CCNI: variants seen among roughly 807,000 people sequenced by gnomAD.
CCNI encodes cyclin-I.
A neutral mutation model predicts 34.1 loss-of-function variants in CCNI; 14 were observed. That is an observed-to-expected ratio of 0.41 (90% confidence interval 0.27 to 0.64). The LOEUF is 0.64. CCNI is among the 30% of genes least tolerant of loss of function. The probability of loss-of-function intolerance (pLI) is 0.31; values close to 1 mark genes in which losing one functional copy is unlikely to be tolerated. For synonymous variants in CCNI, 154 were observed against 158.4 expected (o/e 0.97, Z 0.21); for missense variants, 385 against 440.5 (o/e 0.87, Z 1.13).
chr4:77,063,156 T>C (rs1444129060), intron 2 of CCNI, among the ~76,000 whole-genome samples: 1 of 151,946 alleles, frequency 6.6e-6, no homozygotes, highest in East Asian at 1.9e-4. Context: ...AATTTGGGGA[T>C]AGGGGATGCA....
At chr4:77,067,254 A>AG (rs1729101353) in intron 1 of CCNI, among the ~76,000 whole-genome samples, 1 of 152,152 alleles carries the variant, frequency 6.6e-6, no homozygotes, top group Non-Finnish European at 1.5e-5. Context: ...ACCAAAAAAA[A>AG]AAAATGTATT....
rs12331423 is a variant in CCNI, at chr4:77,072,480, T to A, written c.-44+2992A>T. Among the ~76,000 whole-genome samples the A allele has an allele frequency of 6.4e-3, 836 of 129,692 alleles. 6 individuals are homozygous for A. The highest frequency in any genetic ancestry group is 9.9e-3 in the Non-Finnish European group (613 of 61,748). 85.1% of individuals were successfully genotyped at this position (129,692 alleles called of 152,430 possible). ...AAAAAAAAAAAAAAAAAAAAAAATT[T>A]AAACTAGCCAGGCATGATGTCACAC... On this transcript the variant is annotated intron_variant, in intron 1 of 6. Transcript: ENST00000237654.
At chr4:77,051,946 GTT>G (rs1193118771) in intron 6 of CCNI, among the ~76,000 whole-genome samples, 2 of 144,464 alleles carry the variant, frequency 1.4e-5, no homozygotes, top group Non-Finnish European at 3.0e-5. Flanking sequence ...GGAGGGGTCT[GTT>G]TTTTTGTTTT....
chr4:77,055,839 C>T lies in CCNI; in HGVS notation c.459+123G>A, dbSNP rs759853154. ...CATATATACTAATTTATAATTTTTC[C>T]TTGGATATCAAGTTTTCTTTTTCCT... On this transcript the variant is annotated intron_variant, in intron 5 of 6. Transcript: ENST00000237654. The T allele has an allele frequency of 1.5e-4, 113 of 772,070 alleles. 2 individuals are homozygous for T. Among genetic ancestry groups the T allele is most frequent in the Non-Finnish European group, 3.3e-5 (16 of 483,706 alleles). 47.8% of individuals were successfully genotyped at this position (772,070 alleles called of 1,614,324 possible).
At chr4:77,050,652 T>C (rs977480763) in intron 6 of CCNI, among the ~76,000 whole-genome samples, 1 of 152,150 alleles carries the variant, frequency 6.6e-6, no homozygotes, top group Non-Finnish European at 1.5e-5. Context: ...GTATTAGAAT[T>C]TGTTCTCCCT....
At chr4:77,071,914 C>G (rs1347068217) in intron 1 of CCNI, among the ~76,000 whole-genome samples, 1 of 152,028 alleles carries the variant, frequency 6.6e-6, no homozygotes, top group Non-Finnish European at 1.5e-5. Context: ...AAAGCACTGC[C>G]AAAGAAAAAT....
chr4:77,073,609 G>A (rs1578261136), intron 1 of CCNI, among the ~76,000 whole-genome samples: 1 of 152,186 alleles, frequency 6.6e-6, no homozygotes, highest in South Asian at 2.1e-4. Context: ...CCAAGTGTAT[G>A]CTCTTTCCCA....
chr4:77,050,219 C>A (rs1026161377), intron 6 of CCNI, among the ~76,000 whole-genome samples: 1 of 152,156 alleles, frequency 6.6e-6, no homozygotes, highest in Non-Finnish European at 1.5e-5. Flanking sequence ...TAAACACCAT[C>A]ACCTTCAGGA....
intron 1 of CCNI, among the ~76,000 whole-genome samples, chr4:77,070,347 A>C: frequency 1.4e-5 from 2 of 144,534 alleles, no homozygotes; most frequent in African/African-American, 5.3e-5. Flanking sequence ...TGAAGACCAC[A>C]CCTCGGTATC....
rs776528682 is a variant in CCNI, at chr4:77,055,973, A to C, written c.448T>G (p.Phe150Val). The C allele has an allele frequency of 6.2e-7, 1 of 1,610,118 alleles. No homozygotes were observed. Among genetic ancestry groups the C allele is most frequent in the African/African-American group, 1.3e-5 (1 of 74,704 alleles). The change falls in exon 5 of 7, where the codon TTT (phenylalanine) becomes GTT (valine). Residue 150 changes from phenylalanine to valine, a missense_variant. Phe to Val is a conservative substitution (Grantham distance 50). Coordinates refer to ENST00000237654, the MANE Select transcript of CCNI (RefSeq NM_006835.3). Reference sequence around the variant, plus strand: ...TCAGGTATATTTACAATATGAAGAAAATCCAATGGTGTGGCTGTGTGAAGA... The same window carrying C: ...TCAGGTATATTTACAATATGAAGAACATCCAATGGTGTGGCTGTGTGAAGA... ...WDLHTATPLD[F>V]LHIFHAIAVS...
intron 2 of CCNI, among the ~76,000 whole-genome samples, chr4:77,063,027 A>G (rs1422403774): frequency 1.3e-5 from 2 of 152,230 alleles, no homozygotes; most frequent in African/African-American, 2.4e-5. Flanking sequence ...GGAAACTCAC[A>G]GTCAAATCAC....
chr4:77,050,496 G>A (rs1180448343), intron 6 of CCNI, among the ~76,000 whole-genome samples: 1 of 152,134 alleles, frequency 6.6e-6, no homozygotes, highest in African/African-American at 2.4e-5. Flanking sequence ...GTTAGTCATT[G>A]TATAATACAA....
At chr4:77,050,559 C>A (rs1272790969) in intron 6 of CCNI, among the ~76,000 whole-genome samples, 1 of 152,116 alleles carries the variant, frequency 6.6e-6, no homozygotes, top group Non-Finnish European at 1.5e-5. Context: ...CAGATTTTAG[C>A]ATCTACCATA....
chr4:77,056,227 T>G (rs373289448), intron 4 of CCNI, 22 bp downstream of exon 4: 3 of 1,605,830 alleles, frequency 1.9e-6, no homozygotes, highest in Non-Finnish European at 2.6e-6. Context: ...GGAAGAAACA[T>G]TATCTTGAAA....
chr4:77,074,236 G>T (rs1458506131), intron 1 of CCNI, among the ~76,000 whole-genome samples: 2 of 152,100 alleles, frequency 1.3e-5, no homozygotes, highest in Admixed American at 1.3e-4. Flanking sequence ...CATTTTTACT[G>T]AACTTCCCTA....
rs184582402 is a variant in CCNI at position 77,049,253 on chromosome 4, G to T, written c.691-591C>A. ...ATGTTTTTGGTAAAGTTTTTAATTT[G>T]GGAGTTTTGCTGATTCCTTCTTACC... On this transcript the variant is annotated intron_variant, in intron 6 of 6. Coordinates refer to ENST00000237654, the MANE Select transcript of CCNI (RefSeq NM_006835.3). Among the ~76,000 whole-genome samples the T allele has an allele frequency of 1.1e-3, 174 of 152,174 alleles. 1 individual carries two copies. Among genetic ancestry groups the T allele is most frequent in the African/African-American group, 4.0e-3 (166 of 41,526 alleles).
At chr4:77,063,323 G>C (rs981170145) in intron 2 of CCNI, among the ~76,000 whole-genome samples, 1 of 107,554 alleles carries the variant, frequency 9.3e-6, no homozygotes, top group African/African-American at 3.5e-5. Context: ...AGAAAAGTCA[G>C]AGCAACAGTG....
intron 6 of CCNI, among the ~76,000 whole-genome samples, chr4:77,054,935 A>T (rs1353634573): frequency 6.6e-6 from 1 of 152,196 alleles, no homozygotes; most frequent in Non-Finnish European, 1.5e-5. Flanking sequence ...AAATAAGAGA[A>T]ATGGTTAAAA....
intron 2 of CCNI, among the ~76,000 whole-genome samples, chr4:77,064,002 G>A (rs1728824037): frequency 6.6e-6 from 1 of 152,150 alleles, no homozygotes. Flanking sequence ...AGCACTTTGG[G>A]TTGCTGGGGC....
Sources: gnomAD v4.1 joint callset for allele counts (sites outside exome capture counted in the v4.1 genomes callset) on GRCh38, gnomAD v4.1.1 for gene constraint, MANE v1.5 for transcripts, NCBI Gene and HGNC (gene_info 2026-07-23, HGNC 2026-07-21) for gene names.